Variants in DNAJC7 observed in about 807,000 individuals in gnomAD.
DNAJC7 encodes the protein dnaJ homolog subfamily C member 7.
DNAJC7 carries 18 observed loss-of-function variants against 67.4 expected under a neutral mutation model. That is an observed-to-expected ratio of 0.27 (90% CI 0.18 to 0.40). DNAJC7 has a LOEUF of 0.40. Ranked by LOEUF, DNAJC7 falls within the 10% of genes least tolerant of loss-of-function variation. The probability of loss-of-function intolerance (pLI) is 1.00; values close to 1 mark genes in which losing one functional copy is unlikely to be tolerated. For synonymous variants in DNAJC7, 220 were observed against 207.8 expected (o/e 1.06, Z -0.50); for missense variants, 419 against 613.8 (o/e 0.68, Z 3.35).
At chr17:41,978,891 A>G (rs2051165971) in intron 12 of DNAJC7, among the ~76,000 whole-genome samples, 2 of 151,888 alleles carry the variant, frequency 1.3e-5, no homozygotes, top group Admixed American at 6.6e-5. Context: ...AAACAAAACA[A>G]AACCTCTTCA....
intron 1 of DNAJC7, chr17:42,013,027 G>C (rs546177150): frequency 1.3e-5 from 2 of 152,036 alleles, no homozygotes; most frequent in East Asian, 3.9e-4. Context: ...GGTTGGTCTC[G>C]AACTCCTGGC....
At position 41,987,596 on chromosome 17, in the gene DNAJC7, G is replaced by A. The variant is rs548178277; in HGVS notation, c.1010+223C>T. 6.0e-5 allele frequency: 29 copies of A among 487,252 alleles called. No individual in the cohort carries two copies. The East Asian group carries it at 6.5e-4, about 11-fold the overall frequency. The allele number at this position is 487,252 out of a possible 1,614,324, so 30.2% of individuals were successfully genotyped here. A position where few individuals can be genotyped will look rare whatever the true frequency, so the allele number is the denominator to read the frequency against. On this transcript the variant is annotated intron_variant, in intron 9 of 13. Coordinates refer to ENST00000457167, the MANE Select transcript of DNAJC7 (RefSeq NM_003315.4). ...AGGCATCAGAGGAAACTTACTGACC[G>A]TGAGGGGCGTTAGACACAGGCATGG...
intron 1 of DNAJC7, chr17:42,015,307 G>A (rs1436248462): frequency 6.6e-6 from 1 of 151,914 alleles, no homozygotes; most frequent in African/African-American, 2.4e-5. Context: ...CATGAAATAA[G>A]GTAGTTTACC....
chr17:41,993,076 G>C (rs189861191), intron 5 of DNAJC7, among the ~76,000 whole-genome samples: 1 of 152,262 alleles, frequency 6.6e-6, no homozygotes, highest in East Asian at 1.9e-4. Context: ...AGTTACTGCC[G>C]GGACTCTGCA....
chr17:41,999,317 T>G (rs1272155494), intron 2 of DNAJC7, among the ~76,000 whole-genome samples: 1 of 151,738 alleles, frequency 6.6e-6, no homozygotes, highest in South Asian at 2.1e-4. Flanking sequence ...GCATGTTGAG[T>G]TGGGGTAAGC....
chr17:41,981,979 A>C lies in DNAJC7; in HGVS notation c.1260T>G (p.Val420=). Residue 420 remains valine (V), a synonymous_variant, in exon 12 of 14, where the codon GTT becomes GTG. Transcript: ENST00000457167. ...PDRHSGASAE[V]QKEEEKKFKE... Reference sequence around the variant, plus strand: ...TGAACTTCTTCTCCTCCTCCTTCTGAACCTCAGCACTGGCTCCACTATGCC... The same window carrying C: ...TGAACTTCTTCTCCTCCTCCTTCTGCACCTCAGCACTGGCTCCACTATGCC... 6.2e-7 allele frequency: 1 copy of C among 1,613,968 alleles called. No individual in the cohort carries two copies. Among genetic ancestry groups the C allele is most frequent in the Admixed American group, 1.7e-5 (1 of 60,018 alleles).
intron 1 of DNAJC7, among the ~76,000 whole-genome samples, chr17:42,009,548 A>G (rs2052062769): frequency 6.6e-6 from 1 of 152,226 alleles, no homozygotes; most frequent in African/African-American, 2.4e-5. Context: ...CTCAACGGTG[A>G]GTTGGAAATT....
At chr17:42,002,664 A>G (rs2051840125) in intron 1 of DNAJC7, among the ~76,000 whole-genome samples, 1 of 152,186 alleles carries the variant, frequency 6.6e-6, no homozygotes, top group South Asian at 2.1e-4. Flanking sequence ...GATGTTACCC[A>G]TGTTTGTCAG....
intron 1 of DNAJC7, chr17:42,011,356 G>A (rs1465621400): frequency 6.6e-6 from 1 of 152,210 alleles, no homozygotes; most frequent in African/African-American, 2.4e-5. Flanking sequence ...GTTGGGAGTG[G>A]ACTGGACTCT....
At chr17:42,016,898 C>G (rs1342755755) in intron 1 of DNAJC7, 1 of 1,050,732 alleles carries the variant, frequency 9.5e-7, no homozygotes, top group African/African-American at 1.7e-5. Context: ...GGTATAATTA[C>G]AAGGGAAAAC....
At chr17:41,980,443 T>C (rs1199281608) in intron 12 of DNAJC7, among the ~76,000 whole-genome samples, 1 of 152,170 alleles carries the variant, frequency 6.6e-6, no homozygotes, top group Non-Finnish European at 1.5e-5. Flanking sequence ...TGGAGTACAG[T>C]GGCGCAATCT....
At chr17:42,010,742 A>G (rs1188906051) in intron 1 of DNAJC7, among the ~76,000 whole-genome samples, 2 of 152,174 alleles carry the variant, frequency 1.3e-5, no homozygotes, top group African/African-American at 2.4e-5. Flanking sequence ...TCCAAAAGTA[A>G]TATTAGAATC....
intron 10 of DNAJC7, 44 bp downstream of exon 10, chr17:41,983,519 G>A (rs782569134): frequency 9.9e-6 from 15 of 1,515,846 alleles, no homozygotes; most frequent in African/African-American, 1.4e-5. Context: ...TATGGCCTAC[G>A]AAGTCCACAC....
chr17:41,982,026 GAAC>G lies in DNAJC7; in HGVS notation c.1232-22_1232-20del, dbSNP rs782300070. ...TGCCGATCTAAAGTGGGGAGTAAAAGAACAACTCAGTGGAAATCAAAGTTTCAA... is the reference window on the plus strand; with the variant it reads ...TGCCGATCTAAAGTGGGGAGTAAAAGAACTCAGTGGAAATCAAAGTTTCAA... On this transcript the variant is annotated intron_variant, in intron 11 of 13. Transcript: ENST00000457167. 4 of 1,607,122 alleles carry G rather than the reference GAAC, an allele frequency of 2.5e-6. No individual in the cohort carries two copies. Among genetic ancestry groups the G allele is most frequent in the Non-Finnish European group, 3.4e-6 (4 of 1,178,016 alleles).
chr17:41,985,277 C>A (rs532454920), intron 9 of DNAJC7: 101 of 152,192 alleles, frequency 6.6e-4, no homozygotes, highest in African/African-American at 2.1e-3. Context: ...TTTAAAAAAA[C>A]CAATGGCCTG....
At chr17:41,990,917 C>A (rs528128811) in intron 5 of DNAJC7, among the ~76,000 whole-genome samples, 89 of 152,224 alleles carry the variant, frequency 5.8e-4, no homozygotes, top group African/African-American at 2.1e-3. Flanking sequence ...TCCTCCTCAG[C>A]CTCCCGAAGT....
chr17:41,979,106 A>C (rs1411060820), intron 12 of DNAJC7, among the ~76,000 whole-genome samples: 4 of 152,180 alleles, frequency 2.6e-5, no homozygotes, highest in Non-Finnish European at 5.9e-5. Flanking sequence ...TGGGAGGCCA[A>C]GATGGGCGGA....
chr17:41,981,965 T>C lies in DNAJC7; in HGVS notation c.1274A>G (p.Glu425Gly). 1 of 1,614,012 alleles carries C rather than the reference T, an allele frequency of 6.2e-7. No homozygotes were observed. Among genetic ancestry groups the C allele is most frequent in the Non-Finnish European group, 8.5e-7 (1 of 1,179,906 alleles). ...CTCTCCAACTTCCTTGAACTTCTTC[T>C]CCTCCTCCTTCTGAACCTCAGCACT... ...GASAEVQKEE[E>G]KKFKEVGEAF... The change falls in exon 12 of 14, where the codon GAG becomes GGG. Residue 425 changes from glutamate (E) to glycine (G), a missense_variant. This residue lies in a region of DNAJC7 where 161 missense variants were observed against 252.2 expected (regional missense o/e 0.64). Coordinates refer to ENST00000457167, the MANE Select transcript of DNAJC7 (RefSeq NM_003315.4).
chr17:42,014,433 T>C (rs903812646), intron 1 of DNAJC7: 1 of 152,094 alleles, frequency 6.6e-6, no homozygotes, highest in Non-Finnish European at 1.5e-5. Flanking sequence ...CCCAAAATGA[T>C]GGGATTACAA....
Sources: gnomAD v4.1 joint callset for allele counts (sites outside exome capture counted in the v4.1 genomes callset) on GRCh38, gnomAD v4.1.1 for gene constraint, gnomAD v4.1.1 regional missense constraint, MANE v1.5 for transcripts, NCBI Gene and HGNC (gene_info 2026-07-23, HGNC 2026-07-21) for gene names.